The following GABRB1 variants were observed in gnomAD, a reference collection of about 807,000 sequenced individuals.
GABRB1 encodes gamma-aminobutyric acid receptor subunit beta-1.
A neutral mutation model predicts 51.6 loss-of-function variants in GABRB1; 17 were observed. That is an observed-to-expected ratio of 0.33 (90% CI 0.23 to 0.49). GABRB1 has a LOEUF of 0.49. Among genes scored for constraint, GABRB1 ranks in the 20% least tolerant of loss-of-function variants. GABRB1 has a pLI of 0.99. For missense variants in GABRB1, 410 were observed against 600.6 expected, an observed-to-expected ratio of 0.68 and a Z score of 3.32; for synonymous variants, 247 against 218.9, an observed-to-expected ratio of 1.13 and a Z score of -1.14.
intron 5 of GABRB1, among the ~76,000 whole-genome samples, chr4:47,356,559 A>G (rs1726586488): frequency 6.6e-6 from 1 of 152,176 alleles, no homozygotes; most frequent in Non-Finnish European, 1.5e-5. Context: ...GGAAATCCTG[A>G]GTTTAGGGTT....
At chr4:47,334,783 T>C (rs1325202921) in intron 5 of GABRB1, among the ~76,000 whole-genome samples, 1 of 152,212 alleles carries the variant, frequency 6.6e-6, no homozygotes, top group Non-Finnish European at 1.5e-5. Flanking sequence ...TTGATGTAAA[T>C]CTTTCTCAAC....
chr4:47,000,418 G>A (rs776896522), intron 1 of GABRB1, among the ~76,000 whole-genome samples: 44 of 152,170 alleles, frequency 2.9e-4, no homozygotes, highest in Non-Finnish European at 5.9e-4. Context: ...CAGGACTTAG[G>A]TGTTCACTAT....
intron 5 of GABRB1, among the ~76,000 whole-genome samples, chr4:47,391,263 T>C (rs139682196): frequency 6.6e-6 from 1 of 152,288 alleles, no homozygotes; most frequent in African/African-American, 2.4e-5. Flanking sequence ...ACACTAAGCC[T>C]AATGGGTTTT....
At chr4:47,228,410 T>C (rs1212206524) in intron 4 of GABRB1, among the ~76,000 whole-genome samples, 1 of 151,958 alleles carries the variant, frequency 6.6e-6, no homozygotes, top group Non-Finnish European at 1.5e-5. Context: ...TCAAATATGC[T>C]ACCTCCAGAA....
chr4:47,333,175 T>TATTTA (rs1471082540), intron 5 of GABRB1, among the ~76,000 whole-genome samples: 1 of 144,396 alleles, frequency 6.9e-6, no homozygotes, highest in Non-Finnish European at 1.5e-5. Flanking sequence ...TATACATATA[T>TATTTA]ATTTAAAACC....
chr4:47,033,328 T>C (rs1447020686), intron 3 of GABRB1, among the ~76,000 whole-genome samples: 1 of 152,202 alleles, frequency 6.6e-6, no homozygotes, highest in East Asian at 1.9e-4. Context: ...CAAAATGAAC[T>C]GAAATAGCTG....
chr4:47,393,830 G>A (rs1256087678), intron 5 of GABRB1, among the ~76,000 whole-genome samples: 1 of 152,172 alleles, frequency 6.6e-6, no homozygotes, highest in African/African-American at 2.4e-5. Flanking sequence ...TGAAAAGTAA[G>A]GCCACACCTA....
At chr4:47,107,563 T>C (rs1182027059) in intron 3 of GABRB1, among the ~76,000 whole-genome samples, 2 of 152,108 alleles carry the variant, frequency 1.3e-5, no homozygotes, top group Non-Finnish European at 2.9e-5. Flanking sequence ...ACTGGGAAAA[T>C]AACCTCTCTG....
At chr4:47,294,023 C>T (rs1723862336) in intron 4 of GABRB1, among the ~76,000 whole-genome samples, 2 of 152,262 alleles carry the variant, frequency 1.3e-5, no homozygotes, top group South Asian at 4.1e-4. Context: ...ACAACCCCTC[C>T]ACAGCATAAA....
intron 5 of GABRB1, among the ~76,000 whole-genome samples, chr4:47,329,725 T>C (rs1408369058): frequency 6.7e-6 from 1 of 149,074 alleles, no homozygotes; most frequent in Admixed American, 6.8e-5. Context: ...GATACATAGC[T>C]ATCAATACCA....
chr4:47,302,126 C>T (rs779563736), intron 4 of GABRB1, among the ~76,000 whole-genome samples: 5 of 152,064 alleles, frequency 3.3e-5, no homozygotes, highest in Admixed American at 6.6e-5. Flanking sequence ...CATATGTTTC[C>T]CTCCTCTGAT....
intron 3 of GABRB1, among the ~76,000 whole-genome samples, chr4:47,112,883 T>C (rs1157642011): frequency 6.6e-6 from 1 of 152,200 alleles, no homozygotes; most frequent in Non-Finnish European, 1.5e-5. Flanking sequence ...AATTATCTTC[T>C]CTAAGCTAAA....
chr4:47,098,456 C>T (rs921202628), intron 3 of GABRB1, among the ~76,000 whole-genome samples: 5 of 151,748 alleles, frequency 3.3e-5, no homozygotes, highest in African/African-American at 9.7e-5. Flanking sequence ...TGTTTTTTTT[C>T]CCCCCAATTA....
intron 1 of GABRB1, among the ~76,000 whole-genome samples, chr4:47,006,711 A>G (rs541241581): frequency 6.6e-6 from 1 of 152,240 alleles, no homozygotes; most frequent in South Asian, 2.1e-4. Context: ...AAGTTTTGCT[A>G]TATGTGAACT....
At chr4:47,068,748 C>T (rs1218263262) in intron 3 of GABRB1, among the ~76,000 whole-genome samples, 1 of 152,042 alleles carries the variant, frequency 6.6e-6, no homozygotes, top group Non-Finnish European at 1.5e-5. Flanking sequence ...ATATAATAAT[C>T]ATGAAAACAT....
intron 5 of GABRB1, among the ~76,000 whole-genome samples, chr4:47,363,543 A>G (rs1284933867): frequency 6.6e-6 from 1 of 152,144 alleles, no homozygotes; most frequent in Non-Finnish European, 1.5e-5. Flanking sequence ...GGTCATATTT[A>G]TAATACCAGT....
intron 3 of GABRB1, among the ~76,000 whole-genome samples, chr4:47,113,623 G>A (rs2109633095): frequency 6.6e-6 from 1 of 152,144 alleles, no homozygotes; most frequent in South Asian, 2.1e-4. Context: ...GAGAAGAGAA[G>A]AACAATCATG....
At chr4:47,341,522 A>G (rs2109987660) in intron 5 of GABRB1, among the ~76,000 whole-genome samples, 1 of 152,302 alleles carries the variant, frequency 6.6e-6, no homozygotes, top group East Asian at 1.9e-4. Flanking sequence ...TAAATTGTCT[A>G]GTTAGTTAAT....
At position 47,254,361 on chromosome 4, in the gene GABRB1, G is replaced by GGTT. The variant is rs1305298443; in HGVS notation, c.462-65766_462-65765insGTT. On this transcript the variant is annotated intron_variant, in intron 4 of 8. Transcript: ENST00000295454. ...ATGGTGGATGATGTTTCTTTTCTTT[G>GGTT]TTTTTTTTTTTTTTTTTTTTTTTTT... Among the ~76,000 whole-genome samples the GGTT allele has an allele frequency of 1.1e-3, 93 of 80,966 alleles. 27 individuals carry two copies. Among genetic ancestry groups the GGTT allele is most frequent in the African/African-American group, 3.1e-3 (59 of 19,290 alleles). 53.1% of individuals were successfully genotyped at this position (80,966 alleles called of 152,430 possible).
Sources: gnomAD v4.1 joint callset for allele counts (sites outside exome capture counted in the v4.1 genomes callset) on GRCh38, gnomAD v4.1.1 for gene constraint, MANE v1.5 for transcripts, NCBI Gene and HGNC (gene_info 2026-07-23, HGNC 2026-07-21) for gene names.